Variants in TMCC1 observed in about 807,000 individuals in gnomAD.
TMCC1 encodes the protein transmembrane and coiled-coil domains protein 1.
TMCC1 carries 15 observed loss-of-function variants against 52.4 expected under a neutral mutation model. The observed-to-expected ratio is 0.29, with a 90% CI of 0.19 to 0.44. TMCC1 has a LOEUF of 0.44. TMCC1 is among the 20% of genes least tolerant of loss of function. The pLI is 1.00. For missense variants in TMCC1, 503 were observed against 806.0 expected (o/e 0.62, Z 4.55); for synonymous variants, 279 against 301.9 (o/e 0.92, Z 0.79).
chr3:129,650,499 C>T lies in TMCC1; in HGVS notation c.*982G>A, dbSNP rs1033417233. 1 of 152,526 alleles carries T rather than the reference C, an allele frequency of 6.6e-6. No homozygotes were observed. The highest frequency in any genetic ancestry group is 1.5e-5 in the Non-Finnish European group (1 of 68,026). The allele number at this position is 152,526 out of a possible 1,614,324, so 9.4% of individuals were successfully genotyped here. On this transcript the variant is annotated 3_prime_UTR_variant, in exon 7 of 7. Coordinates refer to ENST00000393238, the MANE Select transcript of TMCC1 (RefSeq NM_001017395.5). The stretch of plus-strand genomic sequence containing the variant: ...CAGCATTTACAGCAAGACTTTCTTA[C>T]TCAAACTGTTTCAAGACAAGAGGGA...
At chr3:129,690,387 C>G (rs2046942490) in intron 4 of TMCC1, among the ~76,000 whole-genome samples, 1 of 151,916 alleles carries the variant, frequency 6.6e-6, no homozygotes, top group African/African-American at 2.4e-5. Context: ...ATGTTGGGGA[C>G]TGCATATTCT....
At chr3:129,769,743 T>C (rs75866485) in intron 4 of TMCC1, among the ~76,000 whole-genome samples, 4,742 of 152,182 alleles carry the variant, frequency 0.031, 220 homozygotes, top group African/African-American at 0.11. Flanking sequence ...ATAAAACTTG[T>C]ATGTTTTACA....
At chr3:129,802,706 A>G (rs916170175) in intron 4 of TMCC1, among the ~76,000 whole-genome samples, 1 of 152,216 alleles carries the variant, frequency 6.6e-6, no homozygotes, top group Non-Finnish European at 1.5e-5. Flanking sequence ...AACTTGTGGC[A>G]TGTCGCACAC....
chr3:129,826,888 A>ACTAT (rs921991034), intron 4 of TMCC1, among the ~76,000 whole-genome samples: 6 of 152,202 alleles, frequency 3.9e-5, no homozygotes, highest in African/African-American at 1.4e-4. Flanking sequence ...TTGAATGGTA[A>ACTAT]CTTACAAGGC....
chr3:129,884,146 A>G (rs2061587348), intron 1 of TMCC1, among the ~76,000 whole-genome samples: 1 of 152,206 alleles, frequency 6.6e-6, no homozygotes. Context: ...TACAAGAAAC[A>G]TTAGAAATCC....
At chr3:129,881,308 T>C (rs1387606511) in intron 1 of TMCC1, among the ~76,000 whole-genome samples, 1 of 152,146 alleles carries the variant, frequency 6.6e-6, no homozygotes, top group Non-Finnish European at 1.5e-5. Context: ...TCTCTGATAA[T>C]AGTAAAGAAA....
chr3:129,863,300 CCTT>C (rs1292323930), intron 2 of TMCC1, among the ~76,000 whole-genome samples: 1 of 152,098 alleles, frequency 6.6e-6, no homozygotes, highest in Non-Finnish European at 1.5e-5. Context: ...CAACAAATTA[CCTT>C]ATTATCCCAA....
At chr3:129,751,157 T>C (rs1318528037) in intron 4 of TMCC1, among the ~76,000 whole-genome samples, 1 of 151,884 alleles carries the variant, frequency 6.6e-6, no homozygotes, top group Non-Finnish European at 1.5e-5. Flanking sequence ...GCTGAGATCC[T>C]GCCACTGCAC....
At chr3:129,809,739 CTTTTGGTA>C (rs1194027176) in intron 4 of TMCC1, among the ~76,000 whole-genome samples, 6 of 152,124 alleles carry the variant, frequency 3.9e-5, no homozygotes, top group Non-Finnish European at 7.4e-5. Flanking sequence ...AAAAGAATAG[CTTTTGGTA>C]TTTTCCATAC....
chr3:129,676,740 C>G (rs1276483689), intron 4 of TMCC1, among the ~76,000 whole-genome samples: 2 of 152,178 alleles, frequency 1.3e-5, no homozygotes, highest in African/African-American at 4.8e-5. Flanking sequence ...TATCACCTTA[C>G]TAGCTGTGTG....
At chr3:129,872,881 G>A (rs1429419422) in intron 2 of TMCC1, among the ~76,000 whole-genome samples, 1 of 150,808 alleles carries the variant, frequency 6.6e-6, no homozygotes, top group Non-Finnish European at 1.5e-5. Context: ...ACAATTGAAT[G>A]TATCCTAATG....
chr3:129,774,512 C>G (rs2054867881), intron 4 of TMCC1, among the ~76,000 whole-genome samples: 1 of 152,096 alleles, frequency 6.6e-6, no homozygotes, highest in African/African-American at 2.4e-5. Flanking sequence ...AGCTTTCAGT[C>G]TAGTGGAAAA....
At chr3:129,707,344 G>A (rs2048325235) in intron 4 of TMCC1, among the ~76,000 whole-genome samples, 1 of 152,100 alleles carries the variant, frequency 6.6e-6, no homozygotes, top group Admixed American at 6.5e-5. Context: ...GAATTGAAAG[G>A]GACCTTAAAA....
At chr3:129,824,244 G>T (rs1618464) in intron 4 of TMCC1, among the ~76,000 whole-genome samples, 149,745 of 152,250 alleles carry the variant, frequency 0.98, 73,697 homozygotes, top group Non-Finnish European at 1. Context: ...GCTGAGGCAG[G>T]AGAATTGCTT....
rs755523077 is a variant in TMCC1 at position 129,771,774 on chromosome 3, CAAA to C, written c.576+56026_576+56028del. Among the ~76,000 whole-genome samples, 17 of 75,682 alleles carry C rather than the reference CAAA, an allele frequency of 2.2e-4. No homozygotes were observed. The East Asian group carries it at 4.6e-3, about 20-fold the overall frequency. The allele number at this position is 75,682 out of a possible 152,430, so 49.7% of individuals were successfully genotyped here. On this transcript the variant is annotated intron_variant, in intron 4 of 6. Transcript: ENST00000393238. ...TGGGCGTCAGAGCAAGACACTGTCT[CAAA>C]AAAAAAAAAAAAAAAAAAAAAAGAA...
intron 4 of TMCC1, among the ~76,000 whole-genome samples, chr3:129,702,556 T>C (rs2047916387): frequency 6.6e-6 from 1 of 150,952 alleles, no homozygotes; most frequent in African/African-American, 2.4e-5. Flanking sequence ...TGAAGAGCTA[T>C]TTCAGGCTGA....
At chr3:129,676,155 A>T (rs571970737) in intron 4 of TMCC1, among the ~76,000 whole-genome samples, 4 of 151,820 alleles carry the variant, frequency 2.6e-5, no homozygotes, top group African/African-American at 9.7e-5. Flanking sequence ...CAGCAGTCCC[A>T]GCTACTCAAC....
At chr3:129,823,451 C>T (rs2058514954) in intron 4 of TMCC1, among the ~76,000 whole-genome samples, 1 of 151,708 alleles carries the variant, frequency 6.6e-6, no homozygotes, top group Non-Finnish European at 1.5e-5. Flanking sequence ...TAATTGTGAC[C>T]CTGAAGTACA....
chr3:129,710,702 G>A (rs1485744392), intron 4 of TMCC1, among the ~76,000 whole-genome samples: 2 of 152,088 alleles, frequency 1.3e-5, no homozygotes, highest in Non-Finnish European at 2.9e-5. Flanking sequence ...AAAGTAACAG[G>A]CTTTACAGAG....
Sources: allele counts gnomAD v4.1 joint callset (sites outside exome capture counted in the v4.1 genomes callset), GRCh38; gene constraint gnomAD v4.1.1; transcripts MANE v1.5; gene names NCBI Gene and HGNC (gene_info 2026-07-23, HGNC 2026-07-21).